Variants in GIMAP2 observed in about 807,000 individuals in gnomAD.
GIMAP2 encodes GTPase, IMAP family member 2, also known as GTPase IMAP family member 2.
Under a neutral mutation model 25.5 loss-of-function variants are expected in GIMAP2, and 22 were observed. The observed-to-expected ratio is 0.86, with a 90% CI of 0.62 to 1.23. The LOEUF (loss-of-function observed/expected upper bound fraction) is 1.23. GIMAP2 is among the 50% of genes most tolerant of loss of function. GIMAP2 has a pLI of 0.00. For missense variants in GIMAP2, 422 were observed against 395.7 expected (o/e 1.07, Z -0.56); for synonymous variants, 167 against 143.0 (o/e 1.17, Z -1.20).
rs538171335 is a variant in GIMAP2, at chr7:150,692,033, C to T, written c.29-282C>T. ...TCACGATGTCAGGAGATCGATACCACGGTGAAACCCTGTCTCTACTAAAAC... is the reference window on the plus strand; with the variant it reads ...TCACGATGTCAGGAGATCGATACCATGGTGAAACCCTGTCTCTACTAAAAC... On this transcript the variant is annotated intron_variant, in intron 2 of 2. Coordinates refer to ENST00000223293, the MANE Select transcript of GIMAP2 (RefSeq NM_015660.3). Among the ~76,000 whole-genome samples, 7 of 149,998 alleles carry T rather than the reference C, an allele frequency of 4.7e-5. No individual in the cohort carries two copies. In the East Asian group the frequency reaches 7.9e-4, roughly 17 times the overall value.
rs1177549539 is a variant in GIMAP2 at position 150,692,875 on chromosome 7, G to T, written c.589G>T (p.Glu197Ter). ...EGSNQDDQVK[E>*]LMDCIEDLLM... The stretch of plus-strand genomic sequence containing the variant: ...GAGCAATCAGGATGACCAAGTGAAG[G>T]AACTAATGGACTGTATTGAGGATCT... The change falls in exon 3 of 3, where the codon GAA becomes TAA. Residue 197 changes from glutamate (E) to a stop codon, truncating the protein, a stop_gained. Transcript: ENST00000223293. LOFTEE classifies it high-confidence loss of function. 7 of 1,614,042 alleles carry T rather than the reference G, an allele frequency of 4.3e-6. No homozygotes were observed. Among genetic ancestry groups the T allele is most frequent in the African/African-American group, 1.3e-5 (1 of 74,924 alleles).
intron 2 of GIMAP2, among the ~76,000 whole-genome samples, chr7:150,689,138 C>T (rs1796937600): frequency 6.6e-6 from 1 of 152,234 alleles, no homozygotes; most frequent in South Asian, 2.1e-4. Flanking sequence ...AGGAAATAGA[C>T]ACCAATTTCC....
Position 150,685,753 on chromosome 7 carries a change from G to C in GIMAP2, c.-41G>C. On this transcript the variant is annotated 5_prime_UTR_variant, in exon 1 of 3. Coordinates refer to ENST00000223293, the MANE Select transcript of GIMAP2 (RefSeq NM_015660.3). ...AGCTATAAGACAACAGGACTGAACA[G>C]GGAGCCAACTGTTTCTTTGAACAGT... 1.0e-6 allele frequency: 1 copy of C among 984,642 alleles called. No homozygotes were observed. Among genetic ancestry groups the C allele is most frequent in the Non-Finnish European group, 1.2e-6 (1 of 829,238 alleles). 61.0% of individuals were successfully genotyped at this position (984,642 alleles called of 1,614,324 possible).
chr7:150,687,832 TATGGTATGGG>T (rs1796921205), intron 2 of GIMAP2, among the ~76,000 whole-genome samples: 1 of 80,700 alleles, frequency 1.2e-5, no homozygotes, highest in Non-Finnish European at 3.4e-5. Context: ...CTGCTATCTG[TATGGTATGGG>T]CGTCTCTCTC....
At chr7:150,689,823 A>C (rs1270590841) in intron 2 of GIMAP2, 5 of 380,830 alleles carry the variant, frequency 1.3e-5, no homozygotes, top group African/African-American at 4.1e-5. Flanking sequence ...TTTCATTTAC[A>C]AAACTGGTTA....
rs368046535 is a variant in GIMAP2 at position 150,692,590 on chromosome 7, T to C, written c.304T>C (p.Ser102Pro). The C allele has an allele frequency of 5.9e-5, 96 of 1,614,020 alleles. No individual in the cohort carries two copies. The highest frequency in any genetic ancestry group is 7.8e-5 in the Non-Finnish European group (92 of 1,180,012). The stretch of plus-strand genomic sequence containing the variant: ...AGAGGTGCAGAGGTGCTACTTGCTG[T>C]CTGCACCAGGACCCCATGTGCTGCT... ...YKEVQRCYLL[S>P]APGPHVLLLV... Residue 102 changes from serine (S) to proline (P), a missense_variant, in exon 3 of 3, where the codon TCT becomes CCT. Ser to Pro is a moderately conservative substitution (Grantham distance 74, BLOSUM62 -1). Transcript: ENST00000223293.
intron 2 of GIMAP2, among the ~76,000 whole-genome samples, chr7:150,691,800 C>T (rs981894255): frequency 2.0e-5 from 3 of 152,196 alleles, no homozygotes; most frequent in African/African-American, 7.2e-5. Context: ...CCATCTCATC[C>T]CCAAGTATGT....
chr7:150,689,352 C>T (rs1796939651), intron 2 of GIMAP2: 2 of 534,456 alleles, frequency 3.7e-6, no homozygotes, highest in Non-Finnish European at 6.7e-6. Flanking sequence ...GACCCTCTCA[C>T]TTGGCTTTGG....
Position 150,692,524 on chromosome 7 carries a change from G to C in GIMAP2, c.238G>C (p.Asp80His). 6.2e-7 allele frequency: 1 copy of C among 1,614,172 alleles called. No individual in the cohort carries two copies. Among genetic ancestry groups the C allele is most frequent in the South Asian group, 1.1e-5 (1 of 91,086 alleles). ...NREIVIIDTP[D>H]MFSWKDHCEA... ...AGAGATTGTCATTATTGACACACCA[G>C]ATATGTTTTCTTGGAAGGACCACTG... Residue 80 changes from aspartate (D) to histidine (H), a missense_variant, in exon 3 of 3, where the codon GAT becomes CAT. Asp to His is a moderately conservative substitution (Grantham distance 81). Transcript: ENST00000223293.
intron 2 of GIMAP2, among the ~76,000 whole-genome samples, chr7:150,687,932 T>C (rs946805102): frequency 1.3e-5 from 2 of 152,096 alleles, no homozygotes; most frequent in African/African-American, 4.8e-5. Flanking sequence ...GTCTCTTACA[T>C]CAAGAAGAGC....
intron 1 of GIMAP2, 78 bp downstream of exon 1, chr7:150,685,863 T>C (rs1796894938): frequency 2.2e-6 from 1 of 448,398 alleles, no homozygotes; most frequent in Non-Finnish European, 3.0e-6. Context: ...TCATTTTTCT[T>C]AGAACAAATT....
rs1414243298 is a variant in GIMAP2, at chr7:150,692,477, G to A, written c.191G>A (p.Ser64Asn). The A allele has an allele frequency of 1.2e-6, 2 of 1,614,184 alleles. No homozygotes were observed. The highest frequency in any genetic ancestry group is 3.3e-5 in the Admixed American group (2 of 60,024). Residue 64 changes from serine to asparagine, a missense_variant, in exon 3 of 3, where the codon AGT (serine) becomes AAT (asparagine). Transcript: ENST00000223293. ...SQTLTKTCSK[S>N]QGSWGNREIV... is the part of the protein sequence containing the mutation. The stretch of plus-strand genomic sequence containing the variant: ...ACCTTGACTAAGACTTGCAGCAAAA[G>A]TCAGGGAAGCTGGGGAAATAGAGAG...
intron 2 of GIMAP2, among the ~76,000 whole-genome samples, chr7:150,688,149 G>A (rs1325150077): frequency 1.3e-5 from 2 of 152,120 alleles, no homozygotes; most frequent in Non-Finnish European, 2.9e-5. Flanking sequence ...CGGGGTGGAG[G>A]GAATGGAGTC....
At chr7:150,691,519 GT>G (rs1488507218) in intron 2 of GIMAP2, among the ~76,000 whole-genome samples, 10 of 152,176 alleles carry the variant, frequency 6.6e-5, no homozygotes, top group African/African-American at 4.8e-5. Flanking sequence ...TAAGATATCA[GT>G]TGTTTCTTCA....
chr7:150,692,729 A>T lies in GIMAP2; in HGVS notation c.443A>T (p.Lys148Met), dbSNP rs776009895. ...MGHTIVLFTH[K>M]EDLNGGSLMD... ...CACACAATTGTCCTCTTTACCCACAAGGAAGACCTCAATGGTGGCTCCCTG... is the reference window on the plus strand; with the variant it reads ...CACACAATTGTCCTCTTTACCCACATGGAAGACCTCAATGGTGGCTCCCTG... Residue 148 changes from lysine (K) to methionine (M), a missense_variant, in exon 3 of 3, where the codon AAG becomes ATG. Lys to Met is a moderately conservative substitution (Grantham distance 95). Transcript: ENST00000223293. 3.0e-5 allele frequency: 48 copies of T among 1,614,082 alleles called. No homozygotes were observed. Among genetic ancestry groups the T allele is most frequent in the Middle Eastern group, 3.3e-4 (2 of 6,084 alleles).
chr7:150,687,737 C>G (rs370928285), intron 2 of GIMAP2, among the ~76,000 whole-genome samples: 27 of 140,242 alleles, frequency 1.9e-4, no homozygotes, highest in Admixed American at 6.3e-4. Flanking sequence ...GTGTGTGTGT[C>G]TCTCTCTCTG....
chr7:150,687,725 G>C (rs1480772092), intron 2 of GIMAP2, among the ~76,000 whole-genome samples: 1 of 151,820 alleles, frequency 6.6e-6, no homozygotes, highest in African/African-American at 2.4e-5. Context: ...CTTTGTGTGT[G>C]TGTGTGTGTG....
At chr7:150,688,853 G>C (rs1420639152) in intron 2 of GIMAP2, among the ~76,000 whole-genome samples, 1 of 152,200 alleles carries the variant, frequency 6.6e-6, no homozygotes, top group Non-Finnish European at 1.5e-5. Flanking sequence ...CTAAGTTGCA[G>C]GCTTCCCGCC....
At position 150,687,106 on chromosome 7, in the gene GIMAP2, G is replaced by A. The variant is rs200159654; in HGVS notation, c.28+19G>A. 32 of 33,778 alleles carry A rather than the reference G, an allele frequency of 9.5e-4. No homozygotes were observed. Among genetic ancestry groups the A allele is most frequent in the Middle Eastern group, 7.8e-3 (1 of 128 alleles). 2.1% of individuals were successfully genotyped at this position (33,778 alleles called of 1,614,324 possible). On this transcript the variant is annotated intron_variant, in intron 2 of 2. Transcript: ENST00000223293. ...CACTGGGGTAAGAAGGTGACTTCACGTGTGTGTGTGTGTGTGTGTGTGTGT... is the reference window on the plus strand; with the variant it reads ...CACTGGGGTAAGAAGGTGACTTCACATGTGTGTGTGTGTGTGTGTGTGTGT...
Sources: gnomAD v4.1 joint callset for allele counts (sites outside exome capture counted in the v4.1 genomes callset) on GRCh38, gnomAD v4.1.1 for gene constraint, MANE v1.5 for transcripts, NCBI Gene and HGNC (gene_info 2026-07-23, HGNC 2026-07-21) for gene names.